The following RELN variants were observed in gnomAD, a reference collection of about 807,000 sequenced individuals.
RELN encodes reelin.
Under a neutral mutation model 427.6 loss-of-function variants are expected in RELN, and 108 were observed. The ratio of observed to expected loss-of-function variants is 0.25; its 90% CI spans 0.22 to 0.30. The LOEUF (loss-of-function observed/expected upper bound fraction) is 0.30, where lower values mean the gene tolerates loss of function less well. Ranked by LOEUF, RELN falls within the 10% of genes least tolerant of loss-of-function variation. The pLI, the probability that RELN is intolerant of heterozygous loss-of-function variation, is 1.00. For missense variants in RELN, 3,715 were observed against 4,302.8 expected (o/e 0.86, Z 3.82); for synonymous variants, 1,524 against 1,513.4 (o/e 1.01, Z -0.16).
chr7:103,921,584 A>G (rs1427660505), intron 1 of RELN, among the ~76,000 whole-genome samples: 2 of 152,214 alleles, frequency 1.3e-5, no homozygotes, highest in African/African-American at 4.8e-5. Context: ...CATGTATATT[A>G]TTATCTATAA....
intron 2 of RELN, among the ~76,000 whole-genome samples, chr7:103,869,901 TC>T (rs1351606405): frequency 1.3e-5 from 2 of 152,150 alleles, no homozygotes; most frequent in Admixed American, 1.3e-4. Flanking sequence ...TTTCATATTT[TC>T]CCACAGATCC....
At chr7:103,492,074 T>C in intron 57 of RELN, 48 bp from the exon 58 acceptor site, 1 of 1,383,244 alleles carries the variant, frequency 7.2e-7, no homozygotes, top group Non-Finnish European at 1.0e-6. Context: ...TAGATGATAC[T>C]GAATTCCATT....
At chr7:103,663,900 T>A (rs771586470) in intron 11 of RELN, among the ~76,000 whole-genome samples, 16 of 151,926 alleles carry the variant, frequency 1.1e-4, no homozygotes, top group African/African-American at 2.6e-4. Context: ...TGGTCTTATA[T>A]AGAGGACTGA....
chr7:103,610,034 T>C (rs117381259), intron 22 of RELN, among the ~76,000 whole-genome samples: 35 of 152,306 alleles, frequency 2.3e-4, no homozygotes, highest in Non-Finnish European at 4.1e-4. Context: ...TTCTAATTTC[T>C]AGTCTAAGGA....
At chr7:103,661,681 C>T (rs1833147090) in intron 11 of RELN, among the ~76,000 whole-genome samples, 154 bp from the exon 12 acceptor site, 1 of 152,282 alleles carries the variant, frequency 6.6e-6, no homozygotes, top group African/African-American at 2.4e-5. Context: ...AATGATTAAA[C>T]TTTAAACACA....
intron 3 of RELN, among the ~76,000 whole-genome samples, chr7:103,819,108 A>C (rs1170830823): frequency 6.6e-6 from 1 of 152,160 alleles, no homozygotes; most frequent in Admixed American, 6.5e-5. Context: ...GTCTCTGTAC[A>C]TATATGAATA....
At chr7:103,637,642 G>A (rs963599737) in intron 17 of RELN, among the ~76,000 whole-genome samples, 1 of 152,156 alleles carries the variant, frequency 6.6e-6, no homozygotes, top group Non-Finnish European at 1.5e-5. Context: ...ATCTTAAGTA[G>A]CATCAATAAG....
At chr7:103,568,606 T>C (rs1237861540) in intron 31 of RELN, among the ~76,000 whole-genome samples, 2 of 152,218 alleles carry the variant, frequency 1.3e-5, no homozygotes, top group Admixed American at 1.3e-4. Flanking sequence ...GAGGAATGTG[T>C]GGCATAAGCT....
intron 6 of RELN, among the ~76,000 whole-genome samples, chr7:103,744,818 C>T (rs1353552659): frequency 6.6e-6 from 1 of 152,150 alleles, no homozygotes; most frequent in Non-Finnish European, 1.5e-5. Flanking sequence ...GGATTCACAG[C>T]CAAATTCTGC....
At chr7:103,785,971 T>C (rs932850525) in intron 3 of RELN, among the ~76,000 whole-genome samples, 2 of 151,736 alleles carry the variant, frequency 1.3e-5, no homozygotes, top group African/African-American at 4.8e-5. Flanking sequence ...ATGAAGTCAA[T>C]GAAAGCTCCA....
At chr7:103,754,017 A>G (rs1418206505) in intron 4 of RELN, among the ~76,000 whole-genome samples, 1 of 152,084 alleles carries the variant, frequency 6.6e-6, no homozygotes, top group Non-Finnish European at 1.5e-5. Context: ...GATTTTTGAT[A>G]CTCAATTCAG....
chr7:103,472,977 C>G, intron 64 of RELN, 69 bp from the exon 65 acceptor site: 2 of 1,223,480 alleles, frequency 1.6e-6, no homozygotes, highest in Non-Finnish European at 2.4e-6. Context: ...CATCATTGAA[C>G]GTGCAATCTA....
At chr7:103,937,362 T>C (rs1796010324) in intron 1 of RELN, among the ~76,000 whole-genome samples, 1 of 152,242 alleles carries the variant, frequency 6.6e-6, no homozygotes, top group Non-Finnish European at 1.5e-5. Flanking sequence ...GCACAGTGTT[T>C]GAATAAACTT....
chr7:103,811,433 A>T (rs1015242215), intron 3 of RELN, among the ~76,000 whole-genome samples: 1 of 152,234 alleles, frequency 6.6e-6, no homozygotes, highest in Non-Finnish European at 1.5e-5. Context: ...TGAATTAAAC[A>T]TAAGTCCTGA....
At chr7:103,558,312 CA>C (rs1312750423) in intron 36 of RELN, among the ~76,000 whole-genome samples, 5 of 152,096 alleles carry the variant, frequency 3.3e-5, no homozygotes, top group African/African-American at 1.2e-4. Context: ...AAAAGCGGTG[CA>C]AAAATGATAG....
chr7:103,770,656 T>TG (rs113847506), intron 4 of RELN, among the ~76,000 whole-genome samples: 71,307 of 149,430 alleles, frequency 0.48, 17,845 homozygotes, highest in African/African-American at 0.67. Flanking sequence ...TTTTAAAAAT[T>TG]TTTTTTTTTA....
intron 4 of RELN, among the ~76,000 whole-genome samples, chr7:103,755,474 G>A (rs974501252): frequency 1.3e-5 from 2 of 152,010 alleles, no homozygotes; most frequent in Non-Finnish European, 2.9e-5. Flanking sequence ...CGGGCGTGGT[G>A]GCGGTCGCCT....
chr7:103,859,257 G>A (rs1322092263), intron 2 of RELN, among the ~76,000 whole-genome samples: 1 of 152,032 alleles, frequency 6.6e-6, no homozygotes, highest in Non-Finnish European at 1.5e-5. Context: ...GATAACACCT[G>A]GCACATTTGG....
At chr7:103,923,655 AC>A (rs761548941) in intron 1 of RELN, among the ~76,000 whole-genome samples, 6 of 152,106 alleles carry the variant, frequency 3.9e-5, no homozygotes, top group Non-Finnish European at 5.9e-5. Context: ...TTCCTACCTT[AC>A]CTATCTATTC....
Sources: gnomAD v4.1 joint callset for allele counts (sites outside exome capture counted in the v4.1 genomes callset) on GRCh38, gnomAD v4.1.1 for gene constraint, MANE v1.5 for transcripts, NCBI Gene and HGNC (gene_info 2026-07-23, HGNC 2026-07-21) for gene names.